Variants in LRRC8C observed in about 807,000 individuals in gnomAD.
The protein encoded by LRRC8C is volume-regulated anion channel subunit LRRC8C.
Under a neutral mutation model 55.3 loss-of-function variants are expected in LRRC8C, and 20 were observed. The ratio of observed to expected loss-of-function variants is 0.36; its 90% CI spans 0.25 to 0.53. The LOEUF is 0.53. Ranked by LOEUF, LRRC8C falls within the 20% of genes least tolerant of loss-of-function variation. LRRC8C has a pLI of 0.92. For missense variants in LRRC8C, 659 were observed against 951.4 expected (o/e 0.69, Z 4.04); for synonymous variants, 376 against 360.7 (o/e 1.04, Z -0.48).
intron 2 of LRRC8C, among the ~76,000 whole-genome samples, chr1:89,701,653 C>A (rs555605663): frequency 5.0e-4 from 76 of 152,082 alleles, no homozygotes; most frequent in Non-Finnish European, 9.7e-4. Flanking sequence ...CCAAGCAACA[C>A]AATTTTTCAT....
intron 2 of LRRC8C, among the ~76,000 whole-genome samples, chr1:89,698,332 G>A (rs982161737): frequency 6.6e-6 from 1 of 152,124 alleles, no homozygotes; most frequent in African/African-American, 2.4e-5. Flanking sequence ...GGATATGGGG[G>A]ACAGTGTTTG....
intron 1 of LRRC8C, among the ~76,000 whole-genome samples, chr1:89,663,569 CAA>C (rs59206016): frequency 3.3e-4 from 26 of 78,050 alleles, no homozygotes; most frequent in Non-Finnish European, 3.4e-4. Context: ...GACTCTGTCT[CAA>C]AAAAAAAAAA....
rs1658880201 is a variant in LRRC8C at position 89,718,265 on chromosome 1, G to A, written c.*3283G>A. ...AATTTACATTGCATCGTATGCAGTA[G>A]GTACTGCTTTTTCAGAAAGACCTGG... On this transcript the variant is annotated 3_prime_UTR_variant, in exon 3 of 3. Transcript: ENST00000370454. 1 of 152,066 alleles carries A rather than the reference G, an allele frequency of 6.6e-6. No individual in the cohort carries two copies. Among genetic ancestry groups the A allele is most frequent in the South Asian group, 2.1e-4 (1 of 4,828 alleles). 9.4% of individuals were successfully genotyped at this position (152,066 alleles called of 1,614,324 possible).
In LRRC8C at chr1:89,659,516, A is replaced by G. The variant is rs76805358; in HGVS notation, c.-5+26194A>G. Among the ~76,000 whole-genome samples the G allele has an allele frequency of 8.4e-3, 1,276 of 152,260 alleles. 8 individuals are homozygous for G. Among genetic ancestry groups the G allele is most frequent in the Middle Eastern group, 0.041 (12 of 294 alleles). On this transcript the variant is annotated intron_variant, in intron 1 of 2. Transcript: ENST00000370454. ...AGATATTTGGGCGTTAAGTAATGTA[A>G]TATGTATGATGCTCCTGACACTTCT... is the stretch of plus-strand genomic sequence containing the variant.
chr1:89,713,059 G>T lies in LRRC8C; in HGVS notation c.489G>T (p.Gly163=), dbSNP rs372759875. 3 of 1,613,430 alleles carry T rather than the reference G, an allele frequency of 1.9e-6. No homozygotes were observed. The African/African-American group carries it at 4.0e-5, about 22-fold the overall frequency. Residue 163 remains glycine, a synonymous_variant, in exon 3 of 3, where the codon GGG becomes GGT. Transcript: ENST00000370454. The surrounding 1 kb of genome is among the most constrained non-coding windows in gnomAD (Gnocchi z 5.2). ...TAGAACATTTCATCTCCATTCTGGG[G>T]AAGTGTTTTGACTCTCCTTGGACCA... The part of the protein sequence containing the change: ...SKIEHFISIL[G]KCFDSPWTTR...
chr1:89,623,882 A>T, the LRRC8C span, among the ~76,000 whole-genome samples: 1 of 152,216 alleles, frequency 6.6e-6, no homozygotes, highest in Non-Finnish European at 1.5e-5. Context: ...GTTGTAAAGA[A>T]ATGTGGAGGG....
chr1:89,631,082 T>C (rs1416462107), upstream of LRRC8C, among the ~76,000 whole-genome samples: 1 of 152,214 alleles, frequency 6.6e-6, no homozygotes, highest in Non-Finnish European at 1.5e-5. Flanking sequence ...CTTTTTGCTA[T>C]TCCTGGTTCT....
upstream of LRRC8C, among the ~76,000 whole-genome samples, chr1:89,630,828 G>A (rs928183881): frequency 1.3e-5 from 2 of 152,182 alleles, no homozygotes; most frequent in African/African-American, 4.8e-5. Flanking sequence ...GTGGACTGAG[G>A]TAAGATCACT....
At chr1:89,669,747 A>C (rs889897202) in intron 1 of LRRC8C, among the ~76,000 whole-genome samples, 2 of 152,174 alleles carry the variant, frequency 1.3e-5, no homozygotes, top group Non-Finnish European at 2.9e-5. Context: ...GCTCCCAACC[A>C]CTATGATTCT....
chr1:89,663,496 G>C (rs1347360202), intron 1 of LRRC8C, among the ~76,000 whole-genome samples: 1 of 151,854 alleles, frequency 6.6e-6, no homozygotes, highest in Non-Finnish European at 1.5e-5. Context: ...TGTGAACCCG[G>C]GAGGCAGAGC....
chr1:89,692,342 T>C (rs1398612542), intron 2 of LRRC8C, among the ~76,000 whole-genome samples: 1 of 152,260 alleles, frequency 6.6e-6, no homozygotes, highest in Non-Finnish European at 1.5e-5. Context: ...TCTTTGATGA[T>C]AAAATAGTAA....
At chr1:89,680,129 A>G (rs2153188) in intron 1 of LRRC8C, among the ~76,000 whole-genome samples, 147,656 of 151,322 alleles carry the variant, frequency 0.98, 72,019 homozygotes, top group East Asian at 1. Context: ...GCTGGATGGA[A>G]TGCAGTGGCG....
At position 89,664,984 on chromosome 1, in the gene LRRC8C, G is replaced by A. The variant is rs560881647; in HGVS notation, c.-4-21486G>A. Among the ~76,000 whole-genome samples, 69 of 152,250 alleles carry A rather than the reference G, an allele frequency of 4.5e-4. No individual in the cohort carries two copies. In the South Asian group the frequency reaches 8.7e-3, roughly 19 times the overall value. Reference sequence around the variant, plus strand: ...GGAATGCTTGTGATTTTTACACATTGATTTTGTATCCTGAGACTTTGCTGA... The same window carrying A: ...GGAATGCTTGTGATTTTTACACATTAATTTTGTATCCTGAGACTTTGCTGA... On this transcript the variant is annotated intron_variant, in intron 1 of 2. Coordinates refer to ENST00000370454, the MANE Select transcript of LRRC8C (RefSeq NM_032270.5).
At chr1:89,663,475 C>A (rs1315389157) in intron 1 of LRRC8C, among the ~76,000 whole-genome samples, 1 of 150,516 alleles carries the variant, frequency 6.6e-6, no homozygotes, top group Non-Finnish European at 1.5e-5. Flanking sequence ...GAGGCTGAGG[C>A]AGGAGAATGG....
At chr1:89,624,323 G>C in the LRRC8C span, among the ~76,000 whole-genome samples, 1 of 152,192 alleles carries the variant, frequency 6.6e-6, no homozygotes. Context: ...GGAAGAAAGA[G>C]TACAAAAACA....
chr1:89,702,407 A>G (rs1658357447), intron 2 of LRRC8C, among the ~76,000 whole-genome samples: 1 of 152,178 alleles, frequency 6.6e-6, no homozygotes, highest in African/African-American at 2.4e-5. Flanking sequence ...AAATAAATAT[A>G]CAGAGAGTGG....
chr1:89,659,598 A>G (rs187504638), intron 1 of LRRC8C, among the ~76,000 whole-genome samples: 109 of 152,256 alleles, frequency 7.2e-4, no homozygotes, highest in Non-Finnish European at 2.9e-4. Context: ...TCCTTTATAC[A>G]TAAAGAGAAC....
chr1:89,689,065 A>G (rs1273313301), intron 2 of LRRC8C, among the ~76,000 whole-genome samples: 1 of 152,182 alleles, frequency 6.6e-6, no homozygotes, highest in Non-Finnish European at 1.5e-5. Flanking sequence ...CTACATGGAC[A>G]GTTGTGAAGA....
At chr1:89,670,025 T>C (rs1657373561) in intron 1 of LRRC8C, among the ~76,000 whole-genome samples, 1 of 152,216 alleles carries the variant, frequency 6.6e-6, no homozygotes, top group Non-Finnish European at 1.5e-5. Context: ...AATGTTTAAC[T>C]TTTTTAATTA....
Sources: allele counts gnomAD v4.1 joint callset (sites outside exome capture counted in the v4.1 genomes callset), GRCh38; gene constraint gnomAD v4.1.1; non-coding constraint Gnocchi (gnomAD v3.1); transcripts MANE v1.5; gene names NCBI Gene and HGNC (gene_info 2026-07-23, HGNC 2026-07-21).